The following MROH9 variants were observed in gnomAD, a reference collection of about 807,000 sequenced individuals.
MROH9 encodes maestro heat-like repeat-containing protein family member 9.
In MROH9, 92 loss-of-function variants were observed where a neutral mutation model predicts 98.2. The observed-to-expected ratio is 0.94, with a 90% CI of 0.79 to 1.11. MROH9 has a LOEUF of 1.11. Ranked by LOEUF, MROH9 falls within the 50% of genes most tolerant of loss-of-function variation. MROH9 has a pLI of 0.00. For synonymous variants in MROH9, 397 were observed against 368.9 expected, an observed-to-expected ratio of 1.08 and a Z score of -0.87; for missense variants, 1,057 against 1,014.8, an observed-to-expected ratio of 1.04 and a Z score of -0.57.
chr1:171,008,271 A>G (rs767901140), intron 15 of MROH9, among the ~76,000 whole-genome samples: 1 of 152,198 alleles, frequency 6.6e-6, no homozygotes, highest in African/African-American at 2.4e-5. Context: ...TTAATAATAT[A>G]TAATGGTCAC....
chr1:171,006,203 T>A (rs947322137), intron 15 of MROH9, among the ~76,000 whole-genome samples: 1 of 150,490 alleles, frequency 6.6e-6, no homozygotes, highest in African/African-American at 2.5e-5. Flanking sequence ...GGTATAGTAT[T>A]CTTGGTTGTC....
At chr1:170,952,252 G>A (rs9426913) in intron 3 of MROH9, among the ~76,000 whole-genome samples, 124,017 of 151,762 alleles carry the variant, frequency 0.82, 50,929 homozygotes, top group Middle Eastern at 0.96. Flanking sequence ...ATTACTGGAT[G>A]TATACCCAAA....
chr1:171,035,297 A>G (rs1571156782), intron 20 of MROH9, among the ~76,000 whole-genome samples: 1 of 151,808 alleles, frequency 6.6e-6, no homozygotes, highest in East Asian at 1.9e-4. Flanking sequence ...ATAAATATAA[A>G]GAGGAAGTTC....
At chr1:171,033,954 C>A (rs1267019633) in intron 20 of MROH9, among the ~76,000 whole-genome samples, 2 of 151,882 alleles carry the variant, frequency 1.3e-5, no homozygotes, top group Non-Finnish European at 2.9e-5. Flanking sequence ...ATACAGAATG[C>A]AACATTAAGG....
At chr1:170,956,625 AGG>A (rs1649772964) in intron 3 of MROH9, among the ~76,000 whole-genome samples, 2 of 138,582 alleles carry the variant, frequency 1.4e-5, no homozygotes, top group Non-Finnish European at 3.1e-5. Flanking sequence ...CCATTGTAAA[AGG>A]GGTTGAGTTC....
chr1:171,007,982 A>T (rs932855313), intron 15 of MROH9, among the ~76,000 whole-genome samples: 3 of 152,152 alleles, frequency 2.0e-5, no homozygotes. Flanking sequence ...TGTTTTTGCA[A>T]CCTTCTACAT....
At chr1:170,985,967 T>A (rs529814052) in intron 9 of MROH9, among the ~76,000 whole-genome samples, 1 of 151,946 alleles carries the variant, frequency 6.6e-6, no homozygotes, top group Non-Finnish European at 1.5e-5. Context: ...TTTTTTTCCA[T>A]ATAAAGGCAA....
chr1:170,955,850 T>C (rs1231225424), intron 3 of MROH9, among the ~76,000 whole-genome samples: 1 of 152,222 alleles, frequency 6.6e-6, no homozygotes, highest in African/African-American at 2.4e-5. Context: ...TTTGTTTTTA[T>C]TGCATTTGCT....
At chr1:171,055,538 G>A (rs774192680) in intron 20 of MROH9, among the ~76,000 whole-genome samples, 8 of 150,214 alleles carry the variant, frequency 5.3e-5, no homozygotes, top group Non-Finnish European at 1.0e-4. Context: ...CAGTAGAATC[G>A]CTAGAATCTG....
chr1:171,015,580 C>CT, intron 16 of MROH9, among the ~76,000 whole-genome samples: 1 of 151,766 alleles, frequency 6.6e-6, no homozygotes, highest in Admixed American at 6.6e-5. Flanking sequence ...TTTTCCTTGC[C>CT]TTCTATTCTG....
intron 19 of MROH9, 138 bp downstream of exon 19, chr1:171,024,903 T>TGTTGACCACTTTAATTG: frequency 1.6e-6 from 1 of 613,342 alleles, no homozygotes; most frequent in Non-Finnish European, 2.8e-6. Flanking sequence ...AAATAAGTGA[T>TGTTGACCACTTTAATTG]TATAGCTGGA....
intron 8 of MROH9, among the ~76,000 whole-genome samples, chr1:170,978,472 G>A (rs1650801250): frequency 6.6e-6 from 1 of 152,176 alleles, no homozygotes; most frequent in Non-Finnish European, 1.5e-5. Flanking sequence ...CAGGGGCCCT[G>A]GCTGGTGAGG....
At chr1:170,938,197 T>G (rs529456244) in intron 1 of MROH9, among the ~76,000 whole-genome samples, 1 of 152,264 alleles carries the variant, frequency 6.6e-6, no homozygotes, top group South Asian at 2.1e-4. Flanking sequence ...CAGTCTTAAC[T>G]TCCAGTTCAG....
chr1:171,047,503 T>C (rs1653505891), intron 20 of MROH9, among the ~76,000 whole-genome samples: 2 of 152,228 alleles, frequency 1.3e-5, no homozygotes, highest in South Asian at 4.1e-4. Context: ...TGCTTGATTC[T>C]TTTTCATCAT....
intron 7 of MROH9, among the ~76,000 whole-genome samples, chr1:170,970,731 T>TGTGTGAGA (rs1491154307): frequency 0.058 from 5,231 of 90,286 alleles, 200 homozygotes; most frequent in Non-Finnish European, 0.09. Context: ...TGTGTGTGTG[T>TGTGTGAGA]GAGAGAGAGA....
intron 3 of MROH9, among the ~76,000 whole-genome samples, chr1:170,953,907 A>G (rs5005226): frequency 6.4e-5 from 6 of 93,888 alleles, no homozygotes; most frequent in Non-Finnish European, 1.1e-4. Flanking sequence ...AAGAGAGAGA[A>G]AGAAAGAAAC....
chr1:171,055,568 G>A (rs1300321588), intron 20 of MROH9, among the ~76,000 whole-genome samples: 1 of 147,408 alleles, frequency 6.8e-6, no homozygotes, highest in African/African-American at 2.5e-5. Flanking sequence ...GGTTGCAGGA[G>A]CCAAGATCGC....
intron 20 of MROH9, among the ~76,000 whole-genome samples, chr1:171,032,733 T>C (rs1217284967): frequency 6.6e-6 from 1 of 152,172 alleles, no homozygotes; most frequent in Non-Finnish European, 1.5e-5. Flanking sequence ...ACAAACCCTG[T>C]TGGAGGGTCT....
At chr1:170,958,608 A>G in intron 4 of MROH9, 68 bp downstream of exon 4, 1 of 1,092,762 alleles carries the variant, frequency 9.2e-7, no homozygotes, top group Non-Finnish European at 1.3e-6. Flanking sequence ...ATCTTTAAAA[A>G]CATGCAATTG....
Sources: gnomAD v4.1 joint callset for allele counts (sites outside exome capture counted in the v4.1 genomes callset) on GRCh38, gnomAD v4.1.1 for gene constraint, MANE v1.5 for transcripts, NCBI Gene and HGNC (gene_info 2026-07-23, HGNC 2026-07-21) for gene names.